Variants in KCNB2 observed in about 807,000 individuals in gnomAD.
KCNB2 encodes the protein delayed rectifier potassium channel protein.
Under a neutral mutation model 61.5 loss-of-function variants are expected in KCNB2, and 15 were observed. That is an observed-to-expected ratio of 0.24 (90% confidence interval 0.16 to 0.38). The LOEUF (loss-of-function observed/expected upper bound fraction) is 0.38. Ranked by LOEUF, KCNB2 falls within the 10% of genes least tolerant of loss-of-function variation. The pLI, the probability that KCNB2 is intolerant of heterozygous loss-of-function variation, is 1.00. For synonymous variants in KCNB2, 457 were observed against 446.0 expected (o/e 1.02, Z -0.31); for missense variants, 828 against 1,125.2 (o/e 0.74, Z 3.78).
At chr8:72,926,744 C>G (rs569133373) in intron 2 of KCNB2, among the ~76,000 whole-genome samples, 6 of 152,286 alleles carry the variant, frequency 3.9e-5, no homozygotes, top group Non-Finnish European at 8.8e-5. Context: ...ATCTCCATAG[C>G]AAGCAGGGTC....
intron 2 of KCNB2, among the ~76,000 whole-genome samples, chr8:72,681,195 G>T (rs762691554): frequency 2.0e-5 from 3 of 151,990 alleles, no homozygotes; most frequent in Non-Finnish European, 4.4e-5. Flanking sequence ...TGTGAGTGAT[G>T]TTAAACTTGA....
chr8:72,805,049 A>G (rs1424397137), intron 2 of KCNB2, among the ~76,000 whole-genome samples: 1 of 152,164 alleles, frequency 6.6e-6, no homozygotes, highest in East Asian at 1.9e-4. Context: ...TTCAAATCCC[A>G]GTTGCTCACT....
intron 2 of KCNB2, among the ~76,000 whole-genome samples, chr8:72,657,417 A>G (rs970262502): frequency 6.6e-6 from 1 of 152,184 alleles, no homozygotes; most frequent in Admixed American, 6.6e-5. Flanking sequence ...TAGTTACACA[A>G]AAATATACTT....
chr8:72,934,096 TG>T (rs1207627413), intron 2 of KCNB2, among the ~76,000 whole-genome samples: 18 of 151,844 alleles, frequency 1.2e-4, no homozygotes, highest in African/African-American at 4.4e-4. Flanking sequence ...AAGAAAACAA[TG>T]AAAGATATAA....
At chr8:72,845,262 C>T (rs186109426) in intron 2 of KCNB2, among the ~76,000 whole-genome samples, 5 of 152,292 alleles carry the variant, frequency 3.3e-5, no homozygotes, top group South Asian at 2.1e-4. Context: ...GTATCACCAG[C>T]GGAGGCTGCA....
intron 2 of KCNB2, among the ~76,000 whole-genome samples, chr8:72,821,656 A>C (rs1563395139): frequency 5.3e-5 from 8 of 149,754 alleles, no homozygotes; most frequent in Non-Finnish European, 8.9e-5. Context: ...AAAAAAAAAA[A>C]AAAACACACA....
At chr8:72,887,965 G>A (rs1164965022) in intron 2 of KCNB2, among the ~76,000 whole-genome samples, 1 of 152,204 alleles carries the variant, frequency 6.6e-6, no homozygotes, top group African/African-American at 2.4e-5. Flanking sequence ...AATAAACACA[G>A]TCTGCCTTAT....
intron 2 of KCNB2, among the ~76,000 whole-genome samples, chr8:72,743,880 G>A (rs17184480): frequency 0.42 from 64,408 of 151,710 alleles, 15,216 homozygotes; most frequent in Non-Finnish European, 0.56. Context: ...TGCTCCATAA[G>A]TCTTTTTCCT....
At chr8:72,611,421 G>T (rs1201685912) in intron 2 of KCNB2, among the ~76,000 whole-genome samples, 3 of 152,164 alleles carry the variant, frequency 2.0e-5, no homozygotes, top group Non-Finnish European at 2.9e-5. Context: ...CAACTCTTGG[G>T]TATTTGTGAC....
chr8:72,611,574 G>A (rs1805540006), intron 2 of KCNB2, among the ~76,000 whole-genome samples: 1 of 152,172 alleles, frequency 6.6e-6, no homozygotes, highest in Non-Finnish European at 1.5e-5. Flanking sequence ...CATGAGGACT[G>A]CCCATGATCT....
chr8:72,918,640 A>G (rs1806446337), intron 2 of KCNB2, among the ~76,000 whole-genome samples: 1 of 152,200 alleles, frequency 6.6e-6, no homozygotes, highest in African/African-American at 2.4e-5. Context: ...TGAATTTTGT[A>G]TATTTTATTA....
At chr8:72,539,738 G>A (rs16938233) in intron 1 of KCNB2, among the ~76,000 whole-genome samples, 3,180 of 152,040 alleles carry the variant, frequency 0.021, 103 homozygotes, top group African/African-American at 0.072. Flanking sequence ...CCATGCATCC[G>A]TTGAAACTAT....
chr8:72,909,256 A>G (rs1439864250), intron 2 of KCNB2, among the ~76,000 whole-genome samples: 1 of 152,176 alleles, frequency 6.6e-6, no homozygotes, highest in Non-Finnish European at 1.5e-5. Flanking sequence ...GTCCCACAGG[A>G]CATGTGCTCT....
At chr8:72,873,705 AAG>A (rs1379660360) in intron 2 of KCNB2, among the ~76,000 whole-genome samples, 6 of 152,242 alleles carry the variant, frequency 3.9e-5, no homozygotes, top group African/African-American at 1.4e-4. Context: ...ACTGGGGACA[AAG>A]AGAATGACAC....
chr8:72,793,717 C>A (rs771512598), intron 2 of KCNB2, among the ~76,000 whole-genome samples: 1 of 152,164 alleles, frequency 6.6e-6, no homozygotes, highest in Non-Finnish European at 1.5e-5. Flanking sequence ...TTTAAAAGTT[C>A]TGTTAACAGT....
intron 2 of KCNB2, among the ~76,000 whole-genome samples, chr8:72,761,542 G>A (rs546742245): frequency 2.0e-5 from 3 of 152,324 alleles, no homozygotes; most frequent in African/African-American, 7.2e-5. Flanking sequence ...CTTCAGGGAG[G>A]AGAGATTGTG....
At chr8:72,656,788 C>T (rs932188900) in intron 2 of KCNB2, among the ~76,000 whole-genome samples, 3 of 152,118 alleles carry the variant, frequency 2.0e-5, no homozygotes, top group Admixed American at 2.0e-4. Flanking sequence ...AGCACATGCA[C>T]CGTGGAACCT....
At chr8:72,912,303 G>A (rs546418862) in intron 2 of KCNB2, among the ~76,000 whole-genome samples, 4 of 151,878 alleles carry the variant, frequency 2.6e-5, no homozygotes, top group Non-Finnish European at 5.9e-5. Context: ...GATGACTGGC[G>A]GCTCTCCACT....
intron 2 of KCNB2, among the ~76,000 whole-genome samples, chr8:72,856,129 C>T (rs377176582): frequency 1.3e-5 from 2 of 151,996 alleles, no homozygotes; most frequent in East Asian, 3.9e-4. Context: ...TAATATAATG[C>T]AAGTCACATT....
Sources: gnomAD v4.1 joint callset for allele counts (sites outside exome capture counted in the v4.1 genomes callset) on GRCh38, gnomAD v4.1.1 for gene constraint, MANE v1.5 for transcripts, NCBI Gene and HGNC (gene_info 2026-07-23, HGNC 2026-07-21) for gene names.